The following STRA6 variants were observed in gnomAD, a reference collection of about 807,000 sequenced individuals.
STRA6 encodes signaling receptor and transporter of retinol STRA6.
STRA6 carries 48 observed loss-of-function variants against 83.6 expected under a neutral mutation model. The observed-to-expected ratio is 0.57, with a 90% CI of 0.46 to 0.73. The LOEUF (loss-of-function observed/expected upper bound fraction) is 0.73. Ranked by LOEUF, STRA6 falls within the 30% of genes least tolerant of loss-of-function variation. The pLI is 0.00. For synonymous variants in STRA6, 353 were observed against 362.3 expected (o/e 0.97, Z 0.29); for missense variants, 760 against 838.8 (o/e 0.91, Z 1.16).
intron 2 of STRA6, among the ~76,000 whole-genome samples, chr15:74,198,579 C>G (rs2073926673): frequency 6.6e-6 from 1 of 152,220 alleles, no homozygotes; most frequent in African/African-American, 2.4e-5. Flanking sequence ...GCCCTCTACT[C>G]ACTGCCATCT....
At chr15:74,203,132 A>T (rs1201767860), upstream of STRA6, 12 of 985,448 alleles carry the variant, frequency 1.2e-5, no homozygotes, top group Admixed American at 7.4e-4. Flanking sequence ...GCTGGGGCGG[A>T]GGCAGGGAAG....
upstream of STRA6, chr15:74,209,060 TCCAGTCTGGCTCTGC>T (rs756413705): frequency 9.8e-4 from 1,184 of 1,209,754 alleles, 2 homozygotes; most frequent in Middle Eastern, 1.6e-3. Flanking sequence ...TCCCCCCTTC[TCCAGTCTGGCTCTGC>T]CCCTCCTCCT....
intron 7 of STRA6, chr15:74,194,556 G>T: frequency 2.3e-6 from 1 of 441,756 alleles, no homozygotes; most frequent in Non-Finnish European, 3.5e-6. Flanking sequence ...TCTCAGAAAG[G>T]TGGCACTGTT....
intron 12 of STRA6, 84 bp from the exon 13 acceptor site, chr15:74,185,139 C>A: frequency 7.2e-7 from 1 of 1,391,886 alleles, no homozygotes. Flanking sequence ...AGGGTGGTGC[C>A]TTGTGGGGAG....
At chr15:74,197,880 T>A in intron 2 of STRA6, 62 bp from the exon 3 acceptor site, 10 of 1,566,048 alleles carry the variant, frequency 6.4e-6, no homozygotes, top group Non-Finnish European at 1.7e-6. Flanking sequence ...TGCAGATGGG[T>A]CTGGGGTTCA....
chr15:74,194,306 T>C (rs2142046185), intron 7 of STRA6: 1 of 1,146,978 alleles, frequency 8.7e-7, no homozygotes, highest in Non-Finnish European at 1.1e-6. Flanking sequence ...GTTTTCAACC[T>C]GAGCATCAGG....
At position 74,195,366 on chromosome 15, in the gene STRA6, G is replaced by A. The variant is rs368481827; in HGVS notation, c.533C>T (p.Thr178Met). Reference sequence around the variant, plus strand: ...GACCCCAAGGTGGGCCCAGGACAGCGTGCTGCCGAGCAGGTGTGCAGCTGT... The same window carrying A: ...GACCCCAAGGTGGGCCCAGGACAGCATGCTGCCGAGCAGGTGTGCAGCTGT... ...GHTAAHLLGSTLSWAHLGVQV... is the reference protein window; with the variant it reads ...GHTAAHLLGSMLSWAHLGVQV... Residue 178 changes from threonine (T) to methionine (M), a missense_variant, in exon 7 of 19, where the codon ACG becomes ATG. Coordinates refer to ENST00000395105, the MANE Select transcript of STRA6 (RefSeq NM_022369.4). The A allele has an allele frequency of 1.4e-5, 23 of 1,613,464 alleles. No homozygotes were observed. The highest frequency in any genetic ancestry group is 4.4e-5 in the South Asian group (4 of 91,066).
intron 12 of STRA6, among the ~76,000 whole-genome samples, chr15:74,186,331 G>A (rs1162142442): frequency 6.6e-6 from 1 of 152,216 alleles, no homozygotes; most frequent in African/African-American, 2.4e-5. Context: ...AACTTTGCTT[G>A]CATGAGAATC....
intron 9 of STRA6, 70 bp downstream of exon 9, chr15:74,191,354 C>T (rs2073529595): frequency 6.2e-7 from 1 of 1,607,074 alleles, no homozygotes; most frequent in Non-Finnish European, 8.5e-7. Context: ...CTGCCCAGTG[C>T]CAGCTTCCCA....
upstream of STRA6, among the ~76,000 whole-genome samples, chr15:74,204,546 C>T (rs1161226829): frequency 6.6e-6 from 1 of 152,212 alleles, no homozygotes; most frequent in Non-Finnish European, 1.5e-5. Flanking sequence ...ATTTTAAATC[C>T]ACCTCCAACC....
chr15:74,182,676 G>A (rs2073054800), intron 14 of STRA6: 2 of 572,024 alleles, frequency 3.5e-6, no homozygotes, highest in East Asian at 5.9e-5. Context: ...CCCTACCTCA[G>A]AGGCTGTTGT....
chr15:74,180,643 G>T, intron 18 of STRA6, 139 bp downstream of exon 18: 1 of 1,209,326 alleles, frequency 8.3e-7, no homozygotes. Flanking sequence ...CAGACCAGGA[G>T]GGGTGACCAA....
chr15:74,209,251 G>C, upstream of STRA6: 1 of 1,155,244 alleles, frequency 8.7e-7, no homozygotes, highest in South Asian at 1.3e-5. Flanking sequence ...CTCGAAACTT[G>C]ATCTCCTTGG....
intron 11 of STRA6, among the ~76,000 whole-genome samples, chr15:74,189,750 A>C (rs775533651): frequency 6.8e-6 from 1 of 146,748 alleles, no homozygotes; most frequent in African/African-American, 2.5e-5. Flanking sequence ...TGCAACCTCC[A>C]CCTCCCAGGT....
At chr15:74,203,699 C>T (rs1206994263), upstream of STRA6, among the ~76,000 whole-genome samples, 1 of 152,184 alleles carries the variant, frequency 6.6e-6, no homozygotes, top group Non-Finnish European at 1.5e-5. Context: ...GACAGTTCAG[C>T]GGGGACACAG....
rs1306589224 is a variant in STRA6, at chr15:74,182,177, G to A, written c.1504C>T (p.Pro502Ser). Residue 502 changes from proline (P) to serine (S), a missense_variant, in exon 16 of 19, where the codon CCA becomes TCA. Physicochemically the swap from Pro to Ser is moderately conservative, Grantham distance 74 (BLOSUM62 -1). Transcript: ENST00000395105. ...CCACCTCACCGGTTGGTCAGCTGTGGGTGTCCATCATGAGTCTCCAGGAAG... is the reference window on the plus strand; with the variant it reads ...CCACCTCACCGGTTGGTCAGCTGTGAGTGTCCATCATGAGTCTCCAGGAAG... Reference protein sequence around the residue: ...WVFLETHDGHPQLTNRRVLYA... With the variant: ...WVFLETHDGHSQLTNRRVLYA... 1.2e-6 allele frequency: 2 copies of A among 1,614,010 alleles called. No homozygotes were observed. The highest frequency in any genetic ancestry group is 1.7e-6 in the Non-Finnish European group (2 of 1,180,000).
upstream of STRA6, among the ~76,000 whole-genome samples, chr15:74,206,586 G>T (rs1389961800): frequency 6.6e-6 from 1 of 152,232 alleles, no homozygotes; most frequent in African/African-American, 2.4e-5. Context: ...GCCCAGCCCT[G>T]CCCTCAGGAG....
At chr15:74,192,900 G>A (rs2073618623) in intron 8 of STRA6, among the ~76,000 whole-genome samples, 1 of 152,184 alleles carries the variant, frequency 6.6e-6, no homozygotes, top group Non-Finnish European at 1.5e-5. Context: ...TGCACTGCAG[G>A]TGTTTTGTGC....
In STRA6 at chr15:74,190,837, T is replaced by C. The variant is rs1200228749; in HGVS notation, c.927+3A>G. On this transcript the variant is annotated splice_donor_region_variant and intron_variant, in intron 11 of 18. Transcript: ENST00000395105. ...AGATGGCAGTACAGGGTGAGGGACATACCTGGTAAATGGCCGTCCCTGTCA... is the reference window on the plus strand; with the variant it reads ...AGATGGCAGTACAGGGTGAGGGACACACCTGGTAAATGGCCGTCCCTGTCA... The C allele has an allele frequency of 9.3e-6, 15 of 1,613,894 alleles. No individual in the cohort carries two copies. Among genetic ancestry groups the C allele is most frequent in the East Asian group, 4.5e-5 (2 of 44,876 alleles).
Sources: allele counts gnomAD v4.1 joint callset (sites outside exome capture counted in the v4.1 genomes callset), GRCh38; gene constraint gnomAD v4.1.1; transcripts MANE v1.5; gene names NCBI Gene and HGNC (gene_info 2026-07-23, HGNC 2026-07-21).